SGTA: variants seen among roughly 807,000 people sequenced by gnomAD.
SGTA encodes small glutamine-rich tetratricopeptide repeat-containing protein alpha.
A neutral mutation model predicts 44.3 loss-of-function variants in SGTA; 22 were observed. The ratio of observed to expected loss-of-function variants is 0.50; its 90% CI spans 0.36 to 0.71. The LOEUF (loss-of-function observed/expected upper bound fraction) is 0.71. SGTA is among the 30% of genes least tolerant of loss of function. The pLI is 0.00. For missense variants in SGTA, 341 were observed against 435.9 expected (o/e 0.78, Z 1.94); for synonymous variants, 174 against 177.6 (o/e 0.98, Z 0.16).
Position 2,761,397 on chromosome 19 carries a change from A to G in SGTA, c.699+63T>C. 1 of 1,395,682 alleles carries G rather than the reference A, an allele frequency of 7.2e-7. No homozygotes were observed. The highest frequency in any genetic ancestry group is 1.2e-5 in the South Asian group (1 of 81,004). The allele number at this position is 1,395,682 out of a possible 1,614,324, so 86.5% of individuals were successfully genotyped here. A position where few individuals can be genotyped will look rare whatever the true frequency, so the allele number is the denominator to read the frequency against. On this transcript the variant is annotated intron_variant, in intron 8 of 11. Transcript: ENST00000221566. The surrounding 1 kb of genome is among the most constrained non-coding windows in gnomAD (Gnocchi z 5.7). ...GGAAGCCCTGGCCAGTAGCGGACAC[A>G]GCAGATGCGGGCCTGGGGGGTGGCG...
intron 1 of SGTA, among the ~76,000 whole-genome samples, chr19:2,780,824 C>T (rs999907776): frequency 4.6e-5 from 7 of 152,188 alleles, no homozygotes; most frequent in African/African-American, 1.4e-4. Context: ...CAGTGGGGCA[C>T]GCCTGTAATC....
chr19:2,764,219 A>T (rs527766364), intron 5 of SGTA, among the ~76,000 whole-genome samples: 6 of 152,164 alleles, frequency 3.9e-5, no homozygotes, highest in African/African-American at 1.4e-4. Context: ...GTGAGTGGAG[A>T]CTAAACTACC....
intron 1 of SGTA, among the ~76,000 whole-genome samples, chr19:2,775,823 A>G (rs1195522759): frequency 2.0e-5 from 3 of 152,164 alleles, no homozygotes; most frequent in Non-Finnish European, 4.4e-5. Flanking sequence ...CGGTGTGGGG[A>G]TCACAGCGGT....
intron 9 of SGTA, 104 bp downstream of exon 9, chr19:2,759,153 A>C (rs1914912941): frequency 2.0e-6 from 2 of 1,023,262 alleles, no homozygotes; most frequent in East Asian, 4.8e-5. Flanking sequence ...TAATGCCATT[A>C]AGTTGCACAC....
chr19:2,778,486 C>T (rs897585046), intron 1 of SGTA, among the ~76,000 whole-genome samples: 2 of 147,086 alleles, frequency 1.4e-5, no homozygotes, highest in African/African-American at 5.0e-5. Flanking sequence ...TGCTTTCCCT[C>T]CTGGAACACC....
At chr19:2,769,941 G>GGTTCCCCCCACGGACACCCGTCTA (rs1915255907) in intron 1 of SGTA, among the ~76,000 whole-genome samples, 1 of 91,420 alleles carries the variant, frequency 1.1e-5, no homozygotes, top group African/African-American at 4.6e-5. Context: ...ACACCCGCCT[G>GGTTCCCCCCACGGACACCCGTCTA]GTTCCCCCCT....
rs1331871673 is a variant in SGTA at position 2,755,579 on chromosome 19, C to CGATCCG, written c.*355_*360dup. On this transcript the variant is annotated 3_prime_UTR_variant, in exon 12 of 12. Coordinates refer to ENST00000221566, the MANE Select transcript of SGTA (RefSeq NM_003021.4). The surrounding 1 kb of genome is among the most constrained non-coding windows in gnomAD (Gnocchi z 5.2). ...GCTGTAAAAGGCTTTGGAAGCCACA[C>CGATCCG]GATCCGCCACACGGCTGAACGTGAA... is the stretch of plus-strand genomic sequence containing the variant. 1.0e-6 allele frequency: 1 copy of CGATCCG among 985,578 alleles called. No individual in the cohort carries two copies. The highest frequency in any genetic ancestry group is 1.1e-4 in the East Asian group (1 of 8,834). The allele number at this position is 985,578 out of a possible 1,614,324, so 61.1% of individuals were successfully genotyped here.
At chr19:2,762,418 C>G (rs935399504) in intron 7 of SGTA, 88 bp downstream of exon 7, 2 of 1,389,722 alleles carry the variant, frequency 1.4e-6, no homozygotes, top group African/African-American at 2.8e-5. Flanking sequence ...CCAGGTTAAG[C>G]CTAGAGCCAC....
chr19:2,766,847 GTC>G (rs1257125218), intron 4 of SGTA, among the ~76,000 whole-genome samples: 8 of 151,942 alleles, frequency 5.3e-5, no homozygotes, highest in Non-Finnish European at 1.0e-4. Flanking sequence ...GAACCGGCGG[GTC>G]TCATGGAAGC....
rs1914984453 is a variant in SGTA at position 2,761,408 on chromosome 19, G to A, written c.699+52C>T. On this transcript the variant is annotated intron_variant, in intron 8 of 11. Transcript: ENST00000221566. The surrounding 1 kb of genome is among the most constrained non-coding windows in gnomAD (Gnocchi z 5.7). The stretch of plus-strand genomic sequence containing the variant: ...CCAGTAGCGGACACAGCAGATGCGG[G>A]CCTGGGGGGTGGCGCAGACACCATG... 6.8e-7 allele frequency: 1 copy of A among 1,459,994 alleles called. No individual in the cohort carries two copies. The highest frequency in any genetic ancestry group is 1.2e-5 in the South Asian group (1 of 82,274). The allele number at this position is 1,459,994 out of a possible 1,614,324, so 90.4% of individuals were successfully genotyped here.
intron 8 of SGTA, among the ~76,000 whole-genome samples, chr19:2,760,496 C>T (rs531325374): frequency 6.1e-4 from 77 of 125,662 alleles, no homozygotes; most frequent in Non-Finnish European, 9.6e-4. Flanking sequence ...CCAACCTGGG[C>T]GACAGAGCGA....
chr19:2,779,741 C>T (rs2144744032), intron 1 of SGTA, among the ~76,000 whole-genome samples: 1 of 152,330 alleles, frequency 6.6e-6, no homozygotes, highest in South Asian at 2.1e-4. Flanking sequence ...CCACATCCCA[C>T]CTTTTCATTT....
At chr19:2,774,978 C>G (rs1011445024) in intron 1 of SGTA, among the ~76,000 whole-genome samples, 10 of 152,196 alleles carry the variant, frequency 6.6e-5, no homozygotes, top group Non-Finnish European at 1.5e-4. Flanking sequence ...AGGCCAGGGA[C>G]GCTGCTCAGT....
At position 2,761,183 on chromosome 19, in the gene SGTA, G is replaced by T. The variant is rs1914978255; in HGVS notation, c.699+277C>A. On this transcript the variant is annotated intron_variant, in intron 8 of 11. Coordinates refer to ENST00000221566, the MANE Select transcript of SGTA (RefSeq NM_003021.4). The surrounding 1 kb of genome is among the most constrained non-coding windows in gnomAD (Gnocchi z 5.7). Reference sequence around the variant, plus strand: ...GCTCAGCCAGGAGAGCCAGCTTTTGGTGCTCACTACTGATGGGTCTTGCTT... The same window carrying T: ...GCTCAGCCAGGAGAGCCAGCTTTTGTTGCTCACTACTGATGGGTCTTGCTT... Among the ~76,000 whole-genome samples, 4 of 152,178 alleles carry T rather than the reference G, an allele frequency of 2.6e-5. No homozygotes were observed.
chr19:2,762,717 C>G, intron 6 of SGTA, 73 bp from the exon 7 acceptor site: 1 of 1,579,816 alleles, frequency 6.3e-7, no homozygotes, highest in Non-Finnish European at 8.6e-7. Context: ...GCCCTCGTCC[C>G]CGGCGGTCCT....
intron 1 of SGTA, among the ~76,000 whole-genome samples, chr19:2,776,132 C>G (rs767943156): frequency 1.3e-5 from 2 of 152,220 alleles, no homozygotes; most frequent in African/African-American, 2.4e-5. Flanking sequence ...TCCGCCCCGG[C>G]CAACAGGGTT....
chr19:2,758,750 T>C (rs941719277), intron 9 of SGTA, among the ~76,000 whole-genome samples: 1 of 152,194 alleles, frequency 6.6e-6, no homozygotes, highest in African/African-American at 2.4e-5. Context: ...CATGGATAGA[T>C]GTGTGGATCA....
intron 1 of SGTA, among the ~76,000 whole-genome samples, chr19:2,772,188 A>G (rs1484458108): frequency 6.6e-6 from 1 of 152,186 alleles, no homozygotes. Context: ...CAGGTTTGAG[A>G]TCAGACGCTC....
rs561437741 is a variant in SGTA at position 2,767,259 on chromosome 19, C to T, written c.208-39G>A. The T allele has an allele frequency of 1.3e-6, 2 of 1,500,870 alleles. No individual in the cohort carries two copies. The highest frequency in any genetic ancestry group is 2.7e-5 in the African/African-American group (2 of 72,766). 93.0% of individuals were successfully genotyped at this position (1,500,870 alleles called of 1,614,324 possible). On this transcript the variant is annotated intron_variant, in intron 3 of 11. Transcript: ENST00000221566. This position sits in a 1 kb window ranked among gnomAD's most constrained non-coding sequence, Gnocchi z 7.3. ...CAAAGGCGGCCCGCTGTCCTCTCCT[C>T]CCAACCTGGCACCCTCCGGCCTTAG...
Sources: allele counts gnomAD v4.1 joint callset (sites outside exome capture counted in the v4.1 genomes callset), GRCh38; gene constraint gnomAD v4.1.1; non-coding constraint Gnocchi (gnomAD v3.1); transcripts MANE v1.5; gene names NCBI Gene and HGNC (gene_info 2026-07-23, HGNC 2026-07-21).